TMEM132C: variants seen among roughly 807,000 people sequenced by gnomAD.
TMEM132C encodes the protein protein phosphatase 1, regulatory subunit 152.
Under a neutral mutation model 61.4 loss-of-function variants are expected in TMEM132C, and 29 were observed. The ratio of observed to expected loss-of-function variants is 0.47; its 90% CI spans 0.35 to 0.64. The LOEUF (loss-of-function observed/expected upper bound fraction) is 0.64. TMEM132C is among the 30% of genes least tolerant of loss of function. The probability of loss-of-function intolerance (pLI) is 0.00; values close to 1 mark genes in which losing one functional copy is unlikely to be tolerated. For missense variants in TMEM132C, 1,408 were observed against 1,476.9 expected (o/e 0.95, Z 0.76); for synonymous variants, 656 against 633.1 (o/e 1.04, Z -0.54).
chr12:128,281,652 A>T (rs1025126477), intron 1 of TMEM132C, among the ~76,000 whole-genome samples: 5 of 152,118 alleles, frequency 3.3e-5, no homozygotes, highest in Admixed American at 6.6e-5. Flanking sequence ...GCTGGATTCC[A>T]TGGGGGGCTG....
chr12:128,457,444 C>T (rs371947901), intron 2 of TMEM132C, among the ~76,000 whole-genome samples: 11 of 151,680 alleles, frequency 7.3e-5, no homozygotes, highest in East Asian at 1.9e-4. Context: ...GGTGTGGTGG[C>T]GGGCACCTGT....
chr12:128,567,898 G>A (rs528701575), intron 3 of TMEM132C, among the ~76,000 whole-genome samples: 1 of 152,202 alleles, frequency 6.6e-6, no homozygotes, highest in African/African-American at 2.4e-5. Context: ...GATTCGATTT[G>A]CTAAGCCTGT....
chr12:128,518,252 G>A (rs1261278878), intron 2 of TMEM132C, among the ~76,000 whole-genome samples: 1 of 152,228 alleles, frequency 6.6e-6, no homozygotes, highest in African/African-American at 2.4e-5. Flanking sequence ...GATGGAAATA[G>A]AAAGCACCTA....
intron 1 of TMEM132C, among the ~76,000 whole-genome samples, chr12:128,396,144 A>G (rs1874947346): frequency 6.6e-6 from 1 of 152,066 alleles, no homozygotes; most frequent in Admixed American, 6.5e-5. Context: ...AAAAAACTAC[A>G]AAGAAAACAT....
intron 3 of TMEM132C, among the ~76,000 whole-genome samples, chr12:128,597,932 C>G (rs922779561): frequency 2.6e-5 from 4 of 152,048 alleles, no homozygotes; most frequent in African/African-American, 9.7e-5. Context: ...AGGCAGAGGT[C>G]CCAGGGTAGC....
rs376161994 is a variant in TMEM132C at position 128,393,779 on chromosome 12, A to G, written c.86-20953A>G. ...AAGGCTGCTCCATCTCCAGCATCAGATCAGCATTGCAATCAGGCAAAAAAG... is the reference window on the plus strand; with the variant it reads ...AAGGCTGCTCCATCTCCAGCATCAGGTCAGCATTGCAATCAGGCAAAAAAG... On this transcript the variant is annotated intron_variant, in intron 1 of 8. Transcript: ENST00000435159. Among the ~76,000 whole-genome samples the G allele has an allele frequency of 3.9e-5, 6 of 152,286 alleles. No individual in the cohort carries two copies. The East Asian group carries it at 7.7e-4, about 20-fold the overall frequency.
At chr12:128,385,602 A>G (rs1436685344) in intron 1 of TMEM132C, among the ~76,000 whole-genome samples, 1 of 152,138 alleles carries the variant, frequency 6.6e-6, no homozygotes, top group African/African-American at 2.4e-5. Context: ...TAAAATCATG[A>G]CTCTGCTTTA....
intron 1 of TMEM132C, among the ~76,000 whole-genome samples, chr12:128,293,513 C>T (rs1424585033): frequency 1.3e-5 from 2 of 152,152 alleles, no homozygotes; most frequent in Admixed American, 6.5e-5. Context: ...GAATTGGTGT[C>T]CAGACAGGAT....
At chr12:128,399,105 C>A (rs1875058534) in intron 1 of TMEM132C, among the ~76,000 whole-genome samples, 1 of 152,188 alleles carries the variant, frequency 6.6e-6, no homozygotes, top group African/African-American at 2.4e-5. Context: ...ATTCTAAATG[C>A]TGGTATAACC....
intron 2 of TMEM132C, among the ~76,000 whole-genome samples, chr12:128,532,173 A>G (rs1213200681): frequency 1.3e-5 from 2 of 152,192 alleles, no homozygotes; most frequent in Admixed American, 1.3e-4. Context: ...ATGAACACGC[A>G]GTTTTTATTT....
chr12:128,433,794 C>G (rs945880900), intron 2 of TMEM132C, among the ~76,000 whole-genome samples: 2 of 6,972 alleles, frequency 2.9e-4, no homozygotes, highest in African/African-American at 6.9e-4. Context: ...CAGAGTCCTC[C>G]TGGCTAGCAT....
chr12:128,433,694 C>G (rs983147907), intron 2 of TMEM132C, among the ~76,000 whole-genome samples: 8 of 152,120 alleles, frequency 5.3e-5, no homozygotes, highest in Admixed American at 2.6e-4. Flanking sequence ...ATCTGAGAAA[C>G]CCCCTGGGAA....
chr12:128,676,245 A>G (rs1189835419), intron 5 of TMEM132C, among the ~76,000 whole-genome samples: 1 of 152,158 alleles, frequency 6.6e-6, no homozygotes, highest in Non-Finnish European at 1.5e-5. Flanking sequence ...CTTGAGAAAT[A>G]CAGTCCTTTT....
At chr12:128,289,146 A>G (rs1186517732) in intron 1 of TMEM132C, 1 of 96,290 alleles carries the variant, frequency 1.0e-5, no homozygotes, top group Non-Finnish European at 2.2e-5. Flanking sequence ...ACTGTAATGC[A>G]TACATGCACG....
chr12:128,464,263 A>G (rs1254352959), intron 2 of TMEM132C, among the ~76,000 whole-genome samples: 1 of 152,126 alleles, frequency 6.6e-6, no homozygotes, highest in African/African-American at 2.4e-5. Context: ...ACTCTTCAGG[A>G]CTGATACACC....
At chr12:128,347,009 T>C (rs1042821852) in intron 1 of TMEM132C, among the ~76,000 whole-genome samples, 1 of 152,180 alleles carries the variant, frequency 6.6e-6, no homozygotes, top group Admixed American at 6.5e-5. Flanking sequence ...ATTTCTGAGA[T>C]TGTGGTGCAC....
rs1954738837 is a variant in TMEM132C at position 128,693,997 on chromosome 12, A to G, written c.1618A>G (p.Ile540Val). 6.4e-7 allele frequency: 1 copy of G among 1,551,662 alleles called. No individual in the cohort carries two copies. Among genetic ancestry groups the G allele is most frequent in the Non-Finnish European group, 8.7e-7 (1 of 1,147,024 alleles). Reference sequence around the variant, plus strand: ...GGTCTCTGACACGGAGCTCAGCCAGATAAAGGGCTGGAGGGTCCCCATTGT... The same window carrying G: ...GGTCTCTGACACGGAGCTCAGCCAGGTAAAGGGCTGGAGGGTCCCCATTGT... ...IEVSDTELSQ[I>V]KGWRVPIVTN... The change falls in exon 6 of 9, where the codon ATA becomes GTA. Residue 540 changes from isoleucine to valine, a missense_variant. Ile to Val is a conservative substitution (Grantham distance 29). Coordinates refer to ENST00000435159, the MANE Select transcript of TMEM132C (RefSeq NM_001136103.3).
At chr12:128,348,976 T>C (rs1202053765) in intron 1 of TMEM132C, among the ~76,000 whole-genome samples, 1 of 152,178 alleles carries the variant, frequency 6.6e-6, no homozygotes, top group Non-Finnish European at 1.5e-5. Flanking sequence ...GTTTGTTATT[T>C]GTAACCCTGA....
intron 2 of TMEM132C, among the ~76,000 whole-genome samples, chr12:128,500,457 A>C (rs1872131831): frequency 6.6e-6 from 1 of 152,320 alleles, no homozygotes; most frequent in African/African-American, 2.4e-5. Context: ...ATAAGCATCT[A>C]GTATCTAGAA....
Sources: allele counts gnomAD v4.1 joint callset (sites outside exome capture counted in the v4.1 genomes callset), GRCh38; gene constraint gnomAD v4.1.1; transcripts MANE v1.5; gene names NCBI Gene and HGNC (gene_info 2026-07-23, HGNC 2026-07-21).